DISC1: variants seen among roughly 807,000 people sequenced by gnomAD.
The protein encoded by DISC1 is DISC1 scaffold protein.
A neutral mutation model predicts 84.5 loss-of-function variants in DISC1; 57 were observed. That is an observed-to-expected ratio of 0.67 (90% CI 0.55 to 0.84). The LOEUF (loss-of-function observed/expected upper bound fraction) is 0.84. DISC1 is among the 40% of genes least tolerant of loss of function. The pLI is 0.00. For synonymous variants in DISC1, 411 were observed against 415.2 expected (o/e 0.99, Z 0.12); for missense variants, 1,000 against 1,057.8 (o/e 0.95, Z 0.76).
intron 10 of DISC1, among the ~76,000 whole-genome samples, chr1:231,972,252 A>G (rs1483949958): frequency 2.0e-5 from 3 of 152,222 alleles, no homozygotes; most frequent in African/African-American, 7.2e-5. Flanking sequence ...TTGCTTTGGC[A>G]TAAGTGTGCT....
At chr1:231,774,104 A>T (rs977377425) in intron 6 of DISC1, among the ~76,000 whole-genome samples, 1 of 152,100 alleles carries the variant, frequency 6.6e-6, no homozygotes, top group Non-Finnish European at 1.5e-5. Flanking sequence ...AATAAAAAAA[A>T]TTAGCCAGGC....
chr1:231,958,310 C>T (rs1183927311), intron 9 of DISC1, among the ~76,000 whole-genome samples: 1 of 152,218 alleles, frequency 6.6e-6, no homozygotes, highest in Non-Finnish European at 1.5e-5. Flanking sequence ...TAGCTGATCT[C>T]ATCACTCATT....
At chr1:231,679,335 G>A (rs1213204838) in intron 1 of DISC1, among the ~76,000 whole-genome samples, 4 of 152,202 alleles carry the variant, frequency 2.6e-5, no homozygotes, top group Non-Finnish European at 5.9e-5. Context: ...AGCCCTCAGG[G>A]GAGCAGCCAG....
At chr1:231,813,488 A>T (rs552643535) in intron 8 of DISC1, 1 of 152,342 alleles carries the variant, frequency 6.6e-6, no homozygotes, top group Admixed American at 6.5e-5. Flanking sequence ...TCTTTGTGGC[A>T]TGCGGTAGGG....
intron 11 of DISC1, among the ~76,000 whole-genome samples, chr1:232,025,514 GATCAA>G (rs1387349762): frequency 1.3e-5 from 2 of 152,002 alleles, no homozygotes; most frequent in Non-Finnish European, 2.9e-5. Context: ...TCATCAAATC[GATCAA>G]TACTACGTGC....
Position 231,694,304 on chromosome 1 carries a change from G to A in DISC1, c.546G>A (p.Leu182=). The stretch of plus-strand genomic sequence containing the variant: ...CAGGCTCTCTGCCATCAGCAGAGTT[G>A]AGTAGCAACAGCTGCAGCCCTGGCT... The part of the protein sequence containing the change: ...RAAGSLPSAE[L]SSNSCSPGCG... The change falls in exon 2 of 13, where the codon TTG becomes TTA. Residue 182 remains leucine (L), a synonymous_variant. Transcript: ENST00000439617. 1 of 1,614,270 alleles carries A rather than the reference G, an allele frequency of 6.2e-7. No individual in the cohort carries two copies. Among genetic ancestry groups the A allele is most frequent in the South Asian group, 1.1e-5 (1 of 91,088 alleles).
intron 1 of DISC1, among the ~76,000 whole-genome samples, chr1:231,687,354 G>A (rs1224346269): frequency 6.6e-6 from 1 of 152,160 alleles, no homozygotes; most frequent in African/African-American, 2.4e-5. Context: ...GGCGGGAGGT[G>A]AAAGACACTT....
rs187875761 is a variant in DISC1 at position 231,790,176 on chromosome 1, C to T, written c.1635-5066C>T. Among the ~76,000 whole-genome samples, 19 of 152,232 alleles carry T rather than the reference C, an allele frequency of 1.2e-4. No individual in the cohort carries two copies. The East Asian group carries it at 3.7e-3, about 29-fold the overall frequency. On this transcript the variant is annotated intron_variant, in intron 6 of 12. Coordinates refer to ENST00000439617, the MANE Select transcript of DISC1 (RefSeq NM_018662.3). ...AGTGCCGTGTTTTCTGTTGGACCTG[C>T]TGCTGCTGCTACATGGAGTAGCAAC...
At chr1:231,705,531 G>A (rs974598827) in intron 3 of DISC1, among the ~76,000 whole-genome samples, 3 of 151,916 alleles carry the variant, frequency 2.0e-5, no homozygotes, top group African/African-American at 7.3e-5. Flanking sequence ...CCATCCCAAA[G>A]TTAGGCTTGA....
intron 9 of DISC1, chr1:231,866,438 A>G (rs905132137): frequency 1.4e-5 from 10 of 732,364 alleles, no homozygotes; most frequent in African/African-American, 1.0e-4. Flanking sequence ...AATAACATCA[A>G]TGATAATGAC....
At chr1:231,784,681 A>T (rs536305168) in intron 6 of DISC1, among the ~76,000 whole-genome samples, 1 of 152,266 alleles carries the variant, frequency 6.6e-6, no homozygotes, top group East Asian at 1.9e-4. Flanking sequence ...TCCTCCCATG[A>T]TCCTCAAAAG....
At chr1:231,668,184 C>T (rs971016277) in intron 1 of DISC1, among the ~76,000 whole-genome samples, 1 of 152,080 alleles carries the variant, frequency 6.6e-6, no homozygotes, top group Non-Finnish European at 1.5e-5. Context: ...TCCCTCAACT[C>T]CCAAAGTTTC....
chr1:231,789,837 G>A (rs1301354154), intron 6 of DISC1, among the ~76,000 whole-genome samples: 2 of 152,012 alleles, frequency 1.3e-5, no homozygotes, highest in Non-Finnish European at 2.9e-5. Context: ...GACATCAGTG[G>A]TTGCATTCTG....
At chr1:231,802,625 C>A (rs1048765260) in intron 8 of DISC1, among the ~76,000 whole-genome samples, 2 of 152,122 alleles carry the variant, frequency 1.3e-5, no homozygotes, top group Non-Finnish European at 2.9e-5. Context: ...GTTTCATTTT[C>A]AAACCTGGCC....
chr1:231,954,238 A>C lies in DISC1; in HGVS notation c.1982-4590A>C, dbSNP rs980330190. Among the ~76,000 whole-genome samples, 7 of 152,144 alleles carry C rather than the reference A, an allele frequency of 4.6e-5. No individual in the cohort carries two copies. The highest frequency in any genetic ancestry group is 1.4e-4 in the African/African-American group (6 of 41,428). On this transcript the variant is annotated intron_variant, in intron 9 of 12. Coordinates refer to ENST00000439617, the MANE Select transcript of DISC1 (RefSeq NM_018662.3). This position sits in a 1 kb window ranked among gnomAD's most constrained non-coding sequence, Gnocchi z 4.8. ...TGTTAAAGAGGCTGGTCCCACAGCT[A>C]TCTCTGTGTCCCTGGAAGCCGTGTC...
chr1:231,910,717 T>A (rs570883180), intron 9 of DISC1, among the ~76,000 whole-genome samples: 1 of 152,320 alleles, frequency 6.6e-6, no homozygotes, highest in Non-Finnish European at 1.5e-5. Context: ...TGAGTTTAAG[T>A]CCTGGATATC....
intron 1 of DISC1, among the ~76,000 whole-genome samples, chr1:231,650,290 T>A (rs1461943707): frequency 6.6e-6 from 1 of 152,232 alleles, no homozygotes; most frequent in African/African-American, 2.4e-5. Flanking sequence ...TTTGCTTGTC[T>A]GTAAAGGATT....
intron 8 of DISC1, among the ~76,000 whole-genome samples, chr1:231,813,553 TC>T (rs1240325269): frequency 6.6e-6 from 1 of 152,112 alleles, no homozygotes; most frequent in African/African-American, 2.4e-5. Context: ...AAATTACCGA[TC>T]CGGGAAAAGT....
intron 9 of DISC1, among the ~76,000 whole-genome samples, chr1:231,913,086 A>AT (rs2089375207): frequency 1.3e-5 from 2 of 151,934 alleles, no homozygotes; most frequent in African/African-American, 4.8e-5. Context: ...TTTTTACAGT[A>AT]TTTTTTATAG....
Sources: allele counts gnomAD v4.1 joint callset (sites outside exome capture counted in the v4.1 genomes callset), GRCh38; gene constraint gnomAD v4.1.1; non-coding constraint Gnocchi (gnomAD v3.1); transcripts MANE v1.5; gene names NCBI Gene and HGNC (gene_info 2026-07-23, HGNC 2026-07-21).